LRMDA: variants seen among roughly 807,000 people sequenced by gnomAD.
LRMDA encodes leucine rich melanocyte differentiation associated.
LRMDA carries 18 observed loss-of-function variants against 29.8 expected under a neutral mutation model. That is an observed-to-expected ratio of 0.60 (90% CI 0.42 to 0.90). The LOEUF is 0.90. Among genes scored for constraint, LRMDA ranks in the 40% least tolerant of loss-of-function variants. LRMDA has a pLI of 0.00. For synonymous variants in LRMDA, 125 were observed against 109.4 expected (o/e 1.14, Z -0.89); for missense variants, 273 against 273.9 (o/e 1.00, Z 0.02).
In LRMDA at chr10:75,478,332, C is replaced by T. The variant is rs548526834; in HGVS notation, c.131+39838C>T. On this transcript the variant is annotated intron_variant, in intron 2 of 6. Transcript: ENST00000611255. ...GGTTCAGGCTTGGTGACTGATGTTG[C>T]ATTGTCTGCTGTTAATAGCCTAGAG... is the stretch of plus-strand genomic sequence containing the variant. Among the ~76,000 whole-genome samples the T allele has an allele frequency of 3.3e-5, 5 of 152,328 alleles. No homozygotes were observed. In the South Asian group the frequency reaches 6.2e-4, roughly 19 times the overall value.
At position 75,631,451 on chromosome 10, in the gene LRMDA, G is replaced by T. The variant is rs1419736359; in HGVS notation, c.131+192957G>T. 2.7e-5 allele frequency among the ~76,000 whole-genome samples: 4 copies of T among 149,770 alleles called. No homozygotes were observed. In the East Asian group the frequency reaches 7.8e-4, roughly 29 times the overall value. ...CATGTTGCCAGGAATAGAGTGCTTT[G>T]GCCATAAGATCAACTCCCCAAATCT... On this transcript the variant is annotated intron_variant, in intron 2 of 6. Transcript: ENST00000611255.
At chr10:76,182,298 A>G (rs1461831994) in intron 5 of LRMDA, among the ~76,000 whole-genome samples, 1 of 152,158 alleles carries the variant, frequency 6.6e-6, no homozygotes, top group Non-Finnish European at 1.5e-5. Flanking sequence ...CCTCACTATC[A>G]TGAGAACAGT....
At chr10:75,866,096 T>C (rs1042199901) in intron 2 of LRMDA, among the ~76,000 whole-genome samples, 2 of 152,214 alleles carry the variant, frequency 1.3e-5, no homozygotes, top group Non-Finnish European at 1.5e-5. Flanking sequence ...TTCAATTTTT[T>C]CCCCTCCTCA....
At chr10:76,304,089 A>T (rs1313348014) in intron 5 of LRMDA, among the ~76,000 whole-genome samples, 1 of 151,872 alleles carries the variant, frequency 6.6e-6, no homozygotes, top group Non-Finnish European at 1.5e-5. Flanking sequence ...GCGTACCTGC[A>T]CTCCTGGGGG....
chr10:76,326,456 C>T (rs2132400661), intron 6 of LRMDA, among the ~76,000 whole-genome samples: 1 of 152,312 alleles, frequency 6.6e-6, no homozygotes, highest in South Asian at 2.1e-4. Context: ...TTCATGCAAA[C>T]AGCTTACAAA....
chr10:75,726,436 G>A (rs897240146), intron 2 of LRMDA, among the ~76,000 whole-genome samples: 3 of 152,182 alleles, frequency 2.0e-5, no homozygotes, highest in Admixed American at 6.5e-5. Context: ...GGGCATGCAG[G>A]TAGATTATTG....
At chr10:75,624,068 A>G (rs1201926776) in intron 2 of LRMDA, among the ~76,000 whole-genome samples, 1 of 152,236 alleles carries the variant, frequency 6.6e-6, no homozygotes, top group Non-Finnish European at 1.5e-5. Context: ...ACGGAATCAT[A>G]CAGATGTGAA....
intron 5 of LRMDA, among the ~76,000 whole-genome samples, chr10:76,115,807 T>G (rs1849658528): frequency 6.6e-6 from 1 of 151,792 alleles, no homozygotes; most frequent in Non-Finnish European, 1.5e-5. Flanking sequence ...AGTGACAAAA[T>G]GGGCAGAAAC....
In LRMDA at chr10:76,246,098, C is replaced by G. The variant is rs571076718; in HGVS notation, c.517-78303C>G. Among the ~76,000 whole-genome samples, 9 of 152,238 alleles carry G rather than the reference C, an allele frequency of 5.9e-5. No homozygotes were observed. The South Asian group carries it at 1.9e-3, about 32-fold the overall frequency. Reference sequence around the variant, plus strand: ...GACATAAGAGAGTTGGAAACTCTACCAAAGTTCACAGCCTTTGGGCTTCCA... The same window carrying G: ...GACATAAGAGAGTTGGAAACTCTACGAAAGTTCACAGCCTTTGGGCTTCCA... On this transcript the variant is annotated intron_variant, in intron 5 of 6. Transcript: ENST00000611255.
At chr10:75,485,636 G>A (rs1844902820) in intron 2 of LRMDA, among the ~76,000 whole-genome samples, 1 of 152,064 alleles carries the variant, frequency 6.6e-6, no homozygotes, top group African/African-American at 2.4e-5. Context: ...AGGCTGGAGT[G>A]CAGCGATCTC....
intron 6 of LRMDA, among the ~76,000 whole-genome samples, chr10:76,330,166 C>A (rs776435709): frequency 2.6e-5 from 4 of 152,068 alleles, no homozygotes; most frequent in African/African-American, 9.7e-5. Flanking sequence ...CAGAATGATG[C>A]GATACTTTTC....
At chr10:76,037,837 C>A (rs553058869) in intron 3 of LRMDA, among the ~76,000 whole-genome samples, 1 of 152,202 alleles carries the variant, frequency 6.6e-6, no homozygotes, top group African/African-American at 2.4e-5. Flanking sequence ...GAGGGAAGAA[C>A]AAACATTCAG....
At chr10:75,899,091 A>G (rs952082792) in intron 2 of LRMDA, among the ~76,000 whole-genome samples, 24 of 152,198 alleles carry the variant, frequency 1.6e-4, no homozygotes, top group African/African-American at 4.6e-4. Context: ...TCAGGTTCAT[A>G]TATAGGGTGC....
chr10:75,795,637 G>A (rs1413428629), intron 2 of LRMDA, among the ~76,000 whole-genome samples: 1 of 152,128 alleles, frequency 6.6e-6, no homozygotes, highest in East Asian at 1.9e-4. Flanking sequence ...GACTACTGTA[G>A]CTTTATAGTA....
chr10:76,017,800 G>T (rs1847902758), intron 2 of LRMDA, among the ~76,000 whole-genome samples: 1 of 152,156 alleles, frequency 6.6e-6, no homozygotes, highest in Admixed American at 6.5e-5. Flanking sequence ...GGCTGCTGTG[G>T]CTTCCAGGGC....
intron 2 of LRMDA, among the ~76,000 whole-genome samples, chr10:75,834,433 A>G (rs1182216023): frequency 1.3e-5 from 2 of 152,156 alleles, no homozygotes; most frequent in South Asian, 2.1e-4. Context: ...GTATCCCTTC[A>G]TGGCAGTGAA....
At chr10:75,630,068 C>T (rs114751131) in intron 2 of LRMDA, among the ~76,000 whole-genome samples, 2,999 of 152,260 alleles carry the variant, frequency 0.02, 88 homozygotes, top group African/African-American at 0.068. Flanking sequence ...GCCTTTTAAA[C>T]AAAGGCACTT....
At chr10:76,090,857 G>A (rs1849219438) in intron 5 of LRMDA, among the ~76,000 whole-genome samples, 1 of 152,160 alleles carries the variant, frequency 6.6e-6, no homozygotes, top group Non-Finnish European at 1.5e-5. Flanking sequence ...AAGGAAATGG[G>A]GAGTTATTGT....
At chr10:75,892,380 A>G (rs943085367) in intron 2 of LRMDA, among the ~76,000 whole-genome samples, 4 of 152,246 alleles carry the variant, frequency 2.6e-5, no homozygotes, top group East Asian at 1.9e-4. Context: ...AGGGCCCTGA[A>G]ATCCTGCCCT....
Sources: gnomAD v4.1 joint callset for allele counts (sites outside exome capture counted in the v4.1 genomes callset) on GRCh38, gnomAD v4.1.1 for gene constraint, MANE v1.5 for transcripts, NCBI Gene and HGNC (gene_info 2026-07-23, HGNC 2026-07-21) for gene names.